Variants in ADGRB3 observed in about 807,000 individuals in gnomAD.
The protein encoded by ADGRB3 is brain-specific angiogenesis inhibitor 3.
ADGRB3 carries 37 observed loss-of-function variants against 193.4 expected under a neutral mutation model. The ratio of observed to expected loss-of-function variants is 0.19; its 90% CI spans 0.15 to 0.25. ADGRB3 has a LOEUF of 0.25. Among genes scored for constraint, ADGRB3 ranks in the 10% least tolerant of loss-of-function variants. The pLI is 1.00. For missense variants in ADGRB3, 1,637 were observed against 1,852.9 expected, an observed-to-expected ratio of 0.88 and a Z score of 2.14; for synonymous variants, 690 against 644.2, an observed-to-expected ratio of 1.07 and a Z score of -1.08.
In ADGRB3 at chr6:69,361,489, A is replaced by G. The variant is rs1191834763; in HGVS notation, c.4216A>G (p.Thr1406Ala). ...ACTATCAAGAAGTGAAACTGGATCA[A>G]CGATATCAATGAGTTCTTTAGAGGT... ...AGLSRSETGS[T>A]ISMSSLERRK... The change falls in exon 29 of 32, where the codon ACG becomes GCG. Residue 1406 changes from threonine (T) to alanine (A), a missense_variant. By Grantham distance (58) the Thr-to-Ala change is moderately conservative (BLOSUM62 0). Transcript: ENST00000370598. The G allele has an allele frequency of 6.2e-7, 1 of 1,612,398 alleles. No homozygotes were observed. Among genetic ancestry groups the G allele is most frequent in the Admixed American group, 1.7e-5 (1 of 59,830 alleles).
At chr6:69,386,475 C>T (rs1015660835) in intron 31 of ADGRB3, among the ~76,000 whole-genome samples, 1 of 152,078 alleles carries the variant, frequency 6.6e-6, no homozygotes, top group Non-Finnish European at 1.5e-5. Flanking sequence ...ACCAGTGAGC[C>T]TTTCAGTTGA....
intron 15 of ADGRB3, among the ~76,000 whole-genome samples, chr6:69,052,530 G>T (rs937234500): frequency 2.0e-5 from 3 of 152,092 alleles, no homozygotes; most frequent in African/African-American, 7.2e-5. Flanking sequence ...TCCAGAAATG[G>T]TATATTTTGG....
At chr6:69,341,143 G>T (rs1177476294) in intron 26 of ADGRB3, among the ~76,000 whole-genome samples, 2 of 152,186 alleles carry the variant, frequency 1.3e-5, no homozygotes, top group Admixed American at 1.3e-4. Flanking sequence ...TAATGGGAAT[G>T]CTGGGTCAAA....
rs143209963 is a variant in ADGRB3, at chr6:69,198,915, A to T, written c.2481-34375A>T. Reference sequence around the variant, plus strand: ...ACACCATCTATCAAAATCCAAAAGAAATCTGACCATTTAATATGAATCAAG... The same window carrying T: ...ACACCATCTATCAAAATCCAAAAGATATCTGACCATTTAATATGAATCAAG... On this transcript the variant is annotated intron_variant, in intron 17 of 31. Coordinates refer to ENST00000370598, the MANE Select transcript of ADGRB3 (RefSeq NM_001704.3). Among the ~76,000 whole-genome samples, 689 of 152,268 alleles carry T rather than the reference A, an allele frequency of 4.5e-3. 7 individuals carry two copies. Among genetic ancestry groups the T allele is most frequent in the African/African-American group, 0.015 (640 of 41,562 alleles).
chr6:69,348,782 A>G (rs1769162508), intron 26 of ADGRB3, among the ~76,000 whole-genome samples: 1 of 152,186 alleles, frequency 6.6e-6, no homozygotes. Flanking sequence ...TAATAACTGG[A>G]GGTTCAATAT....
At chr6:69,263,462 C>T (rs919874721) in intron 20 of ADGRB3, among the ~76,000 whole-genome samples, 1 of 151,948 alleles carries the variant, frequency 6.6e-6, no homozygotes, top group African/African-American at 2.4e-5. Flanking sequence ...CAATCACTGT[C>T]TTTGTTAAGC....
rs891622547 is a variant in ADGRB3 at position 68,975,470 on chromosome 6, G to T, written c.1734+130G>T. The T allele has an allele frequency of 4.3e-5, 29 of 673,726 alleles. No individual in the cohort carries two copies. In the African/African-American group the frequency reaches 4.8e-4, roughly 11 times the overall value. The allele number at this position is 673,726 out of a possible 1,614,324, so 41.7% of individuals were successfully genotyped here. On this transcript the variant is annotated intron_variant, in intron 10 of 31. Transcript: ENST00000370598. ...AAAAAAGAAATGCCTGAAGGAGAAAGCAATGTGATAGAAAGCTAATTTTTA... is the reference window on the plus strand; with the variant it reads ...AAAAAAGAAATGCCTGAAGGAGAAATCAATGTGATAGAAAGCTAATTTTTA...
At chr6:69,167,759 G>C (rs190793589) in intron 17 of ADGRB3, among the ~76,000 whole-genome samples, 1 of 152,272 alleles carries the variant, frequency 6.6e-6, no homozygotes, top group Non-Finnish European at 1.5e-5. Context: ...AGGTGCAGAA[G>C]CTGTACCACA....
rs561411270 is a variant in ADGRB3, at chr6:69,209,188, C to T, written c.2481-24102C>T. Among the ~76,000 whole-genome samples, 3 of 152,302 alleles carry T rather than the reference C, an allele frequency of 2.0e-5. No individual in the cohort carries two copies. The South Asian group carries it at 6.2e-4, about 32-fold the overall frequency. On this transcript the variant is annotated intron_variant, in intron 17 of 31. Coordinates refer to ENST00000370598, the MANE Select transcript of ADGRB3 (RefSeq NM_001704.3). ...CCTGGACCTGTTGCAGAACCTTCTC[C>T]TATTCTGGACCTCACTCAAAACTGG...
intron 20 of ADGRB3, among the ~76,000 whole-genome samples, chr6:69,262,736 C>G (rs60407587): frequency 4.0e-4 from 61 of 151,992 alleles, no homozygotes; most frequent in African/African-American, 1.4e-3. Flanking sequence ...TATATTGTAA[C>G]AATTCTTCTT....
chr6:69,014,332 A>C lies in ADGRB3; in HGVS notation c.1998+226A>C, dbSNP rs541193207. On this transcript the variant is annotated intron_variant, in intron 12 of 31. Coordinates refer to ENST00000370598, the MANE Select transcript of ADGRB3 (RefSeq NM_001704.3). ...GCAAGTTTAAGCAACTTAAAACCTT[A>C]AGGATTTAATGTGTAATAATTATAT... is the stretch of plus-strand genomic sequence containing the variant. Among the ~76,000 whole-genome samples the C allele has an allele frequency of 9.3e-4, 142 of 152,188 alleles. 1 individual carries two copies. Among genetic ancestry groups the C allele is most frequent in the Non-Finnish European group, 1.3e-3 (89 of 67,958 alleles).
At chr6:68,971,873 G>C (rs1268100580) in intron 8 of ADGRB3, among the ~76,000 whole-genome samples, 1 of 152,202 alleles carries the variant, frequency 6.6e-6, no homozygotes, top group Non-Finnish European at 1.5e-5. Flanking sequence ...CCTCACCACT[G>C]TCTGGTCTCT....
At chr6:69,301,071 A>C (rs1244133551) in intron 20 of ADGRB3, among the ~76,000 whole-genome samples, 1 of 151,690 alleles carries the variant, frequency 6.6e-6, no homozygotes. Flanking sequence ...ATATCGGAAA[A>C]ATTTATTAGA....
chr6:69,252,262 T>C (rs1766639865), intron 20 of ADGRB3, among the ~76,000 whole-genome samples: 2 of 152,182 alleles, frequency 1.3e-5, no homozygotes, highest in Non-Finnish European at 2.9e-5. Context: ...CTGAGTATTA[T>C]TTATTGTATG....
chr6:68,872,701 C>A (rs1765495204), intron 3 of ADGRB3, among the ~76,000 whole-genome samples: 1 of 151,990 alleles, frequency 6.6e-6, no homozygotes, highest in Non-Finnish European at 1.5e-5. Context: ...ATAACACATC[C>A]ACAAAAACTG....
intron 17 of ADGRB3, among the ~76,000 whole-genome samples, chr6:69,174,668 T>A (rs1775376670): frequency 6.6e-6 from 1 of 152,214 alleles, no homozygotes; most frequent in African/African-American, 2.4e-5. Flanking sequence ...CTCAGAGAAA[T>A]CTGAAAACTG....
At chr6:69,013,949 C>G in intron 11 of ADGRB3, 89 bp from the exon 12 acceptor site, 1 of 779,790 alleles carries the variant, frequency 1.3e-6, no homozygotes, top group Non-Finnish European at 2.0e-6. Flanking sequence ...GTGCTTATAC[C>G]TTTACCACGT....
intron 19 of ADGRB3, among the ~76,000 whole-genome samples, chr6:69,237,402 T>C (rs2127259459): frequency 6.6e-6 from 1 of 152,192 alleles, no homozygotes; most frequent in East Asian, 1.9e-4. Context: ...CATTAGGTTA[T>C]ATTCTCTTCA....
intron 3 of ADGRB3, among the ~76,000 whole-genome samples, chr6:68,792,025 T>C (rs1582205970): frequency 6.6e-6 from 1 of 152,126 alleles, no homozygotes; most frequent in African/African-American, 2.4e-5. Flanking sequence ...AAAAAATCTT[T>C]GTTAAGAAAA....
Sources: allele counts gnomAD v4.1 joint callset (sites outside exome capture counted in the v4.1 genomes callset), GRCh38; gene constraint gnomAD v4.1.1; transcripts MANE v1.5; gene names NCBI Gene and HGNC (gene_info 2026-07-23, HGNC 2026-07-21).